Variants in MYO1E observed in about 807,000 individuals in gnomAD.
MYO1E encodes the protein unconventional myosin-Ie.
In MYO1E, 68 loss-of-function variants were observed where a neutral mutation model predicts 151.1. That is an observed-to-expected ratio of 0.45 (90% CI 0.37 to 0.55). The LOEUF is 0.55. Among genes scored for constraint, MYO1E ranks in the 20% least tolerant of loss-of-function variants. The pLI is 0.00. For synonymous variants in MYO1E, 601 were observed against 501.7 expected, an observed-to-expected ratio of 1.20 and a Z score of -2.64; for missense variants, 1,363 against 1,389.3, an observed-to-expected ratio of 0.98 and a Z score of 0.30.
chr15:59,298,466 A>C (rs1249507031), intron 1 of MYO1E, among the ~76,000 whole-genome samples: 1 of 152,210 alleles, frequency 6.6e-6, no homozygotes, highest in Non-Finnish European at 1.5e-5. Context: ...CAGAACTATG[A>C]GTCAAGGTGA....
At chr15:59,178,637 T>C (rs1255247680) in intron 18 of MYO1E, 100 bp from the exon 19 acceptor site, 40 of 1,436,882 alleles carry the variant, frequency 2.8e-5, no homozygotes, top group Non-Finnish European at 3.3e-5. Context: ...AGGTGCCCAG[T>C]GCTGCAAAGT....
intron 16 of MYO1E, among the ~76,000 whole-genome samples, chr15:59,199,471 G>A (rs1231973929): frequency 6.6e-6 from 1 of 152,108 alleles, no homozygotes; most frequent in African/African-American, 2.4e-5. Flanking sequence ...GCACCAACAC[G>A]ATGCTCAGAG....
chr15:59,263,849 C>T (rs1170847512), intron 2 of MYO1E, among the ~76,000 whole-genome samples: 2 of 152,062 alleles, frequency 1.3e-5, no homozygotes, highest in African/African-American at 2.4e-5. Flanking sequence ...AATGTATTCC[C>T]AATTGCCAAA....
At chr15:59,182,298 C>T (rs775896219) in intron 18 of MYO1E, among the ~76,000 whole-genome samples, 13 of 152,086 alleles carry the variant, frequency 8.5e-5, no homozygotes, top group South Asian at 2.1e-4. Context: ...CTGCAACCTG[C>T]GCCTCCCGGG....
At chr15:59,371,569 T>A (rs2080944873) in intron 1 of MYO1E, among the ~76,000 whole-genome samples, 1 of 152,030 alleles carries the variant, frequency 6.6e-6, no homozygotes, top group African/African-American at 2.4e-5. Context: ...GGAGTGTAGC[T>A]GGACTGGGGA....
intron 1 of MYO1E, among the ~76,000 whole-genome samples, chr15:59,344,842 TA>T (rs1451135267): frequency 6.6e-6 from 1 of 152,058 alleles, no homozygotes; most frequent in African/African-American, 2.4e-5. Context: ...TTAGATTCAA[TA>T]AATACAAGCA....
intron 18 of MYO1E, among the ~76,000 whole-genome samples, chr15:59,186,071 C>A (rs913000688): frequency 6.6e-6 from 1 of 152,292 alleles, no homozygotes; most frequent in Admixed American, 6.5e-5. Flanking sequence ...TCTACAAATA[C>A]CTTTTCTCAA....
chr15:59,360,847 T>A (rs950189899), intron 1 of MYO1E, among the ~76,000 whole-genome samples: 2 of 152,164 alleles, frequency 1.3e-5, no homozygotes, highest in Non-Finnish European at 2.9e-5. Context: ...TGCCTCCAAG[T>A]ATTCCCGCAA....
intron 26 of MYO1E, among the ~76,000 whole-genome samples, chr15:59,149,664 G>T (rs2079464729): frequency 6.6e-6 from 1 of 152,192 alleles, no homozygotes; most frequent in Admixed American, 6.5e-5. Flanking sequence ...TTAACTTGAG[G>T]TGCTAATTAC....
chr15:59,234,732 G>A (rs2080051646), intron 5 of MYO1E, among the ~76,000 whole-genome samples: 1 of 150,372 alleles, frequency 6.7e-6, no homozygotes. Flanking sequence ...TGAGGTGGAA[G>A]GGAATGCATA....
At chr15:59,298,560 T>C (rs2080464740) in intron 1 of MYO1E, among the ~76,000 whole-genome samples, 1 of 152,230 alleles carries the variant, frequency 6.6e-6, no homozygotes, top group African/African-American at 2.4e-5. Flanking sequence ...ATGTGTGGGA[T>C]GTTCACGTCT....
intron 18 of MYO1E, among the ~76,000 whole-genome samples, chr15:59,187,732 G>T (rs2079707159): frequency 6.6e-6 from 1 of 152,192 alleles, no homozygotes; most frequent in Non-Finnish European, 1.5e-5. Flanking sequence ...CCACACAATG[G>T]AATATTATTC....
At chr15:59,180,720 A>G (rs2079653260) in intron 18 of MYO1E, among the ~76,000 whole-genome samples, 1 of 152,140 alleles carries the variant, frequency 6.6e-6, no homozygotes, top group Non-Finnish European at 1.5e-5. Flanking sequence ...AGACCAGGGC[A>G]TAAACCAACA....
intron 25 of MYO1E, among the ~76,000 whole-genome samples, chr15:59,157,066 TAAAA>T (rs56300582): frequency 1.4e-5 from 2 of 139,276 alleles, no homozygotes; most frequent in African/African-American, 5.3e-5. Context: ...CTACAAAGAG[TAAAA>T]AAAAAAAGAG....
intron 14 of MYO1E, chr15:59,207,490 AT>A (rs771323128): frequency 5.2e-5 from 84 of 1,613,890 alleles, no homozygotes; most frequent in Non-Finnish European, 6.9e-5. Context: ...CAAACTGATT[AT>A]TGTTTCCAAT....
chr15:59,144,972 T>G (rs776094347), intron 26 of MYO1E, among the ~76,000 whole-genome samples: 47 of 152,050 alleles, frequency 3.1e-4, no homozygotes, highest in Non-Finnish European at 1.5e-4. Flanking sequence ...GCCTCCTAAG[T>G]AGTTGGGACT....
intron 7 of MYO1E, among the ~76,000 whole-genome samples, chr15:59,227,016 T>G (rs995378624): frequency 3.3e-5 from 5 of 152,228 alleles, no homozygotes; most frequent in African/African-American, 1.2e-4. Flanking sequence ...ACGCCTGCCC[T>G]GCAGGCAGGC....
intron 22 of MYO1E, among the ~76,000 whole-genome samples, chr15:59,168,136 G>A (rs138967155): frequency 1.4e-4 from 22 of 152,080 alleles, no homozygotes; most frequent in African/African-American, 4.8e-4. Flanking sequence ...ATTTTTAACC[G>A]TAACTCAACT....
chr15:59,147,869 C>T (rs2079451452), intron 26 of MYO1E, among the ~76,000 whole-genome samples: 1 of 152,028 alleles, frequency 6.6e-6, no homozygotes, highest in African/African-American at 2.4e-5. Flanking sequence ...GCCCATTCCC[C>T]GCATTACAGC....
Sources: allele counts gnomAD v4.1 joint callset (sites outside exome capture counted in the v4.1 genomes callset), GRCh38; gene constraint gnomAD v4.1.1; transcripts MANE v1.5; gene names NCBI Gene and HGNC (gene_info 2026-07-23, HGNC 2026-07-21).